SCAPER: variants seen among roughly 807,000 people sequenced by gnomAD.
SCAPER encodes S-phase cyclin A associated protein in the ER.
SCAPER carries 98 observed loss-of-function variants against 182.2 expected under a neutral mutation model. The observed-to-expected ratio is 0.54, with a 90% CI of 0.46 to 0.64. SCAPER has a LOEUF of 0.64. Ranked by LOEUF, SCAPER falls within the 30% of genes least tolerant of loss-of-function variation. SCAPER has a pLI of 0.00. For missense variants in SCAPER, 1,432 were observed against 1,690.0 expected, an observed-to-expected ratio of 0.85 and a Z score of 2.68; for synonymous variants, 605 against 564.6, an observed-to-expected ratio of 1.07 and a Z score of -1.01.
In SCAPER at chr15:76,595,958, A is replaced by G. The variant is rs1196177765; in HGVS notation, c.2712-21674T>C. Among the ~76,000 whole-genome samples the G allele has an allele frequency of 4.9e-5, 6 of 121,512 alleles. 1 individual carries two copies. Among genetic ancestry groups the G allele is most frequent in the African/African-American group, 1.5e-4 (6 of 39,712 alleles). 79.7% of individuals were successfully genotyped at this position (121,512 alleles called of 152,430 possible). ...GCTAGCAGAAGAAATAACTAGGATCAGAGCAGAACTGAAGGAGATACAGAC... is the reference window on the plus strand; with the variant it reads ...GCTAGCAGAAGAAATAACTAGGATCGGAGCAGAACTGAAGGAGATACAGAC... On this transcript the variant is annotated intron_variant, in intron 22 of 31. Transcript: ENST00000563290.
At chr15:76,769,335 C>T (rs1370949586) in intron 10 of SCAPER, among the ~76,000 whole-genome samples, 1 of 149,046 alleles carries the variant, frequency 6.7e-6, no homozygotes, top group Admixed American at 6.8e-5. Flanking sequence ...CCCAGCTACT[C>T]GGGAGGCTGA....
At chr15:76,405,974 A>G (rs139783902) in intron 26 of SCAPER, among the ~76,000 whole-genome samples, 2 of 152,322 alleles carry the variant, frequency 1.3e-5, no homozygotes, top group African/African-American at 2.4e-5. Flanking sequence ...CATCTTTTAC[A>G]TTAGACTATG....
chr15:76,410,167 A>G (rs2045187097), intron 26 of SCAPER, among the ~76,000 whole-genome samples: 1 of 152,184 alleles, frequency 6.6e-6, no homozygotes, highest in South Asian at 2.1e-4. Flanking sequence ...GGGCACCCCT[A>G]TATTTGTATG....
At chr15:76,759,036 T>C (rs1402679502) in intron 14 of SCAPER, among the ~76,000 whole-genome samples, 2 of 152,186 alleles carry the variant, frequency 1.3e-5, no homozygotes, top group Non-Finnish European at 2.9e-5. Context: ...TAGATAATTT[T>C]ACTTCTTTCC....
At chr15:76,604,084 C>T (rs2145826253) in intron 22 of SCAPER, among the ~76,000 whole-genome samples, 1 of 120,442 alleles carries the variant, frequency 8.3e-6, no homozygotes, top group South Asian at 2.6e-4. Context: ...GTGTTTTAGA[C>T]ATGAAGTCCT....
intron 25 of SCAPER, among the ~76,000 whole-genome samples, chr15:76,448,052 A>G (rs554849391): frequency 5.9e-5 from 9 of 152,292 alleles, no homozygotes; most frequent in Non-Finnish European, 1.2e-4. Context: ...ATGTGTGTTC[A>G]GGAAGCTGCA....
intron 5 of SCAPER, among the ~76,000 whole-genome samples, chr15:76,828,907 T>C (rs925805237): frequency 2.0e-5 from 3 of 152,152 alleles, no homozygotes; most frequent in Non-Finnish European, 2.9e-5. Context: ...GTGAAAAGCA[T>C]TTAAGGGCCA....
Position 76,895,933 on chromosome 15 carries a change from G to C in SCAPER, c.-60+9366C>G, listed in dbSNP as rs151291859. ...CAGGCGACTGTAGTCCCAGCTACTT[G>C]GGAAGCTGAGGCAGGAGAATGGTGT... On this transcript the variant is annotated intron_variant, in intron 1 of 31. Coordinates refer to ENST00000563290, the MANE Select transcript of SCAPER (RefSeq NM_020843.4). Among the ~76,000 whole-genome samples the C allele has an allele frequency of 8.1e-3, 1,228 of 151,906 alleles. 13 individuals are homozygous for C. The highest frequency in any genetic ancestry group is 0.028 in the African/African-American group (1,164 of 41,390).
At chr15:76,881,505 G>A (rs773288398) in intron 2 of SCAPER, among the ~76,000 whole-genome samples, 4 of 152,156 alleles carry the variant, frequency 2.6e-5, no homozygotes, top group African/African-American at 4.8e-5. Flanking sequence ...TAAGCAAAAC[G>A]TAATATATTA....
At chr15:76,875,577 G>A (rs1181571874) in intron 2 of SCAPER, among the ~76,000 whole-genome samples, 1 of 152,184 alleles carries the variant, frequency 6.6e-6, no homozygotes, top group Non-Finnish European at 1.5e-5. Context: ...TGGGAGGCGA[G>A]GGTTGCAGTG....
intron 5 of SCAPER, among the ~76,000 whole-genome samples, chr15:76,832,565 T>C (rs987859419): frequency 6.6e-6 from 1 of 152,226 alleles, no homozygotes; most frequent in African/African-American, 2.4e-5. Flanking sequence ...TGAGGAATTA[T>C]ACGGTTGGAT....
intron 5 of SCAPER, among the ~76,000 whole-genome samples, chr15:76,831,214 A>G (rs755950826): frequency 6.6e-6 from 1 of 152,144 alleles, no homozygotes; most frequent in Non-Finnish European, 1.5e-5. Context: ...CTTAGCTGCC[A>G]GACCAGGAGA....
At chr15:76,774,834 A>C (rs757384943) in intron 9 of SCAPER, 21 bp downstream of exon 9, 1 of 1,592,080 alleles carries the variant, frequency 6.3e-7, no homozygotes, top group African/African-American at 1.3e-5. Context: ...AGACAGTAAA[A>C]GGATTTTCAG....
intron 16 of SCAPER, among the ~76,000 whole-genome samples, chr15:76,731,892 A>G (rs2151044308): frequency 6.6e-6 from 1 of 152,336 alleles, no homozygotes; most frequent in African/African-American, 2.4e-5. Flanking sequence ...GTGAAGTGAG[A>G]GTCATCATTT....
At chr15:76,449,642 CCTT>C (rs576467851) in intron 25 of SCAPER, among the ~76,000 whole-genome samples, 15 of 152,066 alleles carry the variant, frequency 9.9e-5, no homozygotes, top group Non-Finnish European at 2.2e-4. Flanking sequence ...CTTAATTGGC[CCTT>C]ATTTCCCTCT....
chr15:76,544,795 A>G (rs2045109810), intron 23 of SCAPER, among the ~76,000 whole-genome samples: 1 of 152,204 alleles, frequency 6.6e-6, no homozygotes, highest in African/African-American at 2.4e-5. Flanking sequence ...TGGATATTTT[A>G]AATAGTAACT....
At chr15:76,359,374 A>G (rs1160502247) in intron 29 of SCAPER, among the ~76,000 whole-genome samples, 1 of 152,248 alleles carries the variant, frequency 6.6e-6, no homozygotes, top group African/African-American at 2.4e-5. Flanking sequence ...GAGCTGTGCA[A>G]ACAGTGATGG....
At chr15:76,832,684 A>G (rs1186103335) in intron 5 of SCAPER, among the ~76,000 whole-genome samples, 1 of 152,166 alleles carries the variant, frequency 6.6e-6, no homozygotes, top group African/African-American at 2.4e-5. Context: ...GCTTAGCACC[A>G]TCCCTTTGGT....
chr15:76,897,147 GA>G (rs1317932297), intron 1 of SCAPER, among the ~76,000 whole-genome samples: 1 of 152,082 alleles, frequency 6.6e-6, no homozygotes, highest in African/African-American at 2.4e-5. Flanking sequence ...AAGTAAATGT[GA>G]AAAAATGTTT....
Sources: gnomAD v4.1 joint callset for allele counts (sites outside exome capture counted in the v4.1 genomes callset) on GRCh38, gnomAD v4.1.1 for gene constraint, MANE v1.5 for transcripts, NCBI Gene and HGNC (gene_info 2026-07-23, HGNC 2026-07-21) for gene names.